GABBR2: variants seen among roughly 807,000 people sequenced by gnomAD.
The protein encoded by GABBR2 is gamma-aminobutyric acid type B receptor subunit 2.
Under a neutral mutation model 105.6 loss-of-function variants are expected in GABBR2, and 23 were observed. The ratio of observed to expected loss-of-function variants is 0.22; its 90% CI spans 0.16 to 0.31. GABBR2 has a LOEUF of 0.31. Ranked by LOEUF, GABBR2 falls within the 10% of genes least tolerant of loss-of-function variation. The pLI, the probability that GABBR2 is intolerant of heterozygous loss-of-function variation, is 1.00. For synonymous variants in GABBR2, 478 were observed against 499.7 expected (o/e 0.96, Z 0.58); for missense variants, 734 against 1,245.5 (o/e 0.59, Z 6.18).
chr9:98,440,309 A>G (rs1159836697), intron 7 of GABBR2, among the ~76,000 whole-genome samples: 1 of 152,180 alleles, frequency 6.6e-6, no homozygotes, highest in Non-Finnish European at 1.5e-5. Flanking sequence ...AAGGAGCTTG[A>G]TCTAAGGCAC....
At chr9:98,634,460 C>T (rs1310777973) in intron 1 of GABBR2, among the ~76,000 whole-genome samples, 1 of 152,118 alleles carries the variant, frequency 6.6e-6, no homozygotes, top group Non-Finnish European at 1.5e-5. Flanking sequence ...ACTGATAACC[C>T]TGTAAGAAGA....
intron 3 of GABBR2, among the ~76,000 whole-genome samples, chr9:98,526,851 C>G (rs1418819438): frequency 6.6e-6 from 1 of 152,040 alleles, no homozygotes; most frequent in African/African-American, 2.4e-5. Flanking sequence ...GACATTTTAG[C>G]ATGCATAGCT....
chr9:98,303,735 G>T (rs1179199052), intron 15 of GABBR2, among the ~76,000 whole-genome samples: 2 of 152,344 alleles, frequency 1.3e-5, no homozygotes, highest in African/African-American at 4.8e-5. Context: ...TGCCTAGCAC[G>T]CTGCCTTAGG....
intron 2 of GABBR2, among the ~76,000 whole-genome samples, chr9:98,544,285 G>A (rs1443912229): frequency 6.6e-6 from 1 of 152,138 alleles, no homozygotes; most frequent in Non-Finnish European, 1.5e-5. Flanking sequence ...ACAAAAGTTT[G>A]TGGGGGGCAG....
intron 6 of GABBR2, among the ~76,000 whole-genome samples, chr9:98,469,824 G>A (rs1826631909): frequency 6.6e-6 from 1 of 152,194 alleles, no homozygotes; most frequent in Non-Finnish European, 1.5e-5. Flanking sequence ...CCATTCACTT[G>A]CTGTGGTTTT....
chr9:98,562,516 TA>T (rs755119500), intron 2 of GABBR2, among the ~76,000 whole-genome samples: 4 of 152,274 alleles, frequency 2.6e-5, no homozygotes, highest in East Asian at 1.9e-4. Context: ...GCTAATGTAT[TA>T]GGGGTGAAGT....
rs549737037 is a variant in GABBR2, at chr9:98,677,771, G to T, written c.321+30646C>A. Among the ~76,000 whole-genome samples, 5 of 152,144 alleles carry T rather than the reference G, an allele frequency of 3.3e-5. No individual in the cohort carries two copies. The East Asian group carries it at 7.7e-4, about 24-fold the overall frequency. ...ACTCCTCAAGTACACTAGCCTCAGGGCCTGCAGTGGCTCTCCCTCCAGCCT... is the reference window on the plus strand; with the variant it reads ...ACTCCTCAAGTACACTAGCCTCAGGTCCTGCAGTGGCTCTCCCTCCAGCCT... On this transcript the variant is annotated intron_variant, in intron 1 of 18. Transcript: ENST00000259455.
Position 98,306,969 on chromosome 9 carries a change from G to A in GABBR2, c.2005-624C>T, listed in dbSNP as rs1830561726. On this transcript the variant is annotated intron_variant, in intron 14 of 18. Transcript: ENST00000259455. This position sits in a 1 kb window ranked among gnomAD's most constrained non-coding sequence, Gnocchi z 5.4. ...GGAAGTGTCTTTAAAGGGAAGAGGT[G>A]TTGCTTTTCCTCCTTCCTAACAGCT... 2.0e-5 allele frequency among the ~76,000 whole-genome samples: 3 copies of A among 152,210 alleles called. No individual in the cohort carries two copies. The highest frequency in any genetic ancestry group is 6.5e-5 in the Admixed American group (1 of 15,286).
intron 4 of GABBR2, among the ~76,000 whole-genome samples, chr9:98,483,894 G>A (rs755321874): frequency 7.2e-5 from 11 of 152,180 alleles, no homozygotes; most frequent in African/African-American, 1.4e-4. Context: ...TGAAGTAAGC[G>A]TAACTTGACT....
In GABBR2 at chr9:98,454,286, G is replaced by T. The variant is rs1588169702; in HGVS notation, c.1000-69C>A. ...AGGGACATCAGGTGCCTGATGCCGA[G>T]AAGAGCTGCTATTCTTCAATGCCCA... On this transcript the variant is annotated intron_variant, in intron 6 of 18. Transcript: ENST00000259455. This position sits in a 1 kb window ranked among gnomAD's most constrained non-coding sequence, Gnocchi z 4.6. 1.9e-6 allele frequency: 2 copies of T among 1,029,600 alleles called. No individual in the cohort carries two copies. The highest frequency in any genetic ancestry group is 1.3e-5 in the South Asian group (1 of 77,562). The allele number at this position is 1,029,600 out of a possible 1,614,324, so 63.8% of individuals were successfully genotyped here.
intron 1 of GABBR2, among the ~76,000 whole-genome samples, chr9:98,656,391 C>T (rs1370295677): frequency 6.6e-6 from 1 of 151,876 alleles, no homozygotes; most frequent in African/African-American, 2.4e-5. Context: ...GGCCTCACAT[C>T]TGACAGGCTA....
chr9:98,301,413 A>G (rs1372763010), intron 16 of GABBR2, among the ~76,000 whole-genome samples: 2 of 152,222 alleles, frequency 1.3e-5, no homozygotes, highest in Non-Finnish European at 2.9e-5. Flanking sequence ...GTGTTGGTGC[A>G]AGAGCACAGG....
Position 98,293,870 on chromosome 9 carries a change from C to A in GABBR2, c.2575G>T (p.Asp859Tyr), listed in dbSNP as rs79773606. The A allele has an allele frequency of 1.2e-6, 2 of 1,612,148 alleles. No individual in the cohort carries two copies. Among genetic ancestry groups the A allele is most frequent in the Non-Finnish European group, 1.7e-6 (2 of 1,178,326 alleles). ...TTCCACTGTAGCTGGGGATTTTGAT[C>A]GAGGTGATTTTTTAAAATGGCCTTT... The part of the protein sequence containing the change: ...GGKAILKNHL[D>Y]QNPQLQWNTT... The change falls in exon 18 of 19, where the codon GAT (aspartate) becomes TAT (tyrosine). Residue 859 changes from aspartate to tyrosine, a missense_variant. Coordinates refer to ENST00000259455, the MANE Select transcript of GABBR2 (RefSeq NM_005458.8).
rs576426168 is a variant in GABBR2, at chr9:98,643,523, C to A, written c.321+64894G>T. 2.0e-5 allele frequency among the ~76,000 whole-genome samples: 3 copies of A among 152,272 alleles called. No individual in the cohort carries two copies. In the South Asian group the frequency reaches 6.2e-4, roughly 32 times the overall value. On this transcript the variant is annotated intron_variant, in intron 1 of 18. Coordinates refer to ENST00000259455, the MANE Select transcript of GABBR2 (RefSeq NM_005458.8). ...TATTCTGCCTTTATTTTAGTTGGAG[C>A]CCGTTCTTTTCTTTCTATGTCTGTT...
At chr9:98,300,918 C>G (rs149983025) in intron 16 of GABBR2, among the ~76,000 whole-genome samples, 1 of 152,178 alleles carries the variant, frequency 6.6e-6, no homozygotes, top group African/African-American at 2.4e-5. Context: ...TCAGTCATGC[C>G]TCGTGTAATG....
At chr9:98,647,429 G>C (rs1830039666) in intron 1 of GABBR2, among the ~76,000 whole-genome samples, 1 of 152,220 alleles carries the variant, frequency 6.6e-6, no homozygotes, top group Non-Finnish European at 1.5e-5. Context: ...AGAAGATGTA[G>C]AGGGCTTTGG....
At chr9:98,496,121 T>A in intron 4 of GABBR2, 1 of 405,374 alleles carries the variant, frequency 2.5e-6, no homozygotes, top group Non-Finnish European at 4.6e-6. Flanking sequence ...AAAACAGACA[T>A]GACAATCATG....
chr9:98,399,474 T>C (rs969465836), intron 8 of GABBR2, among the ~76,000 whole-genome samples: 4 of 152,050 alleles, frequency 2.6e-5, no homozygotes, highest in African/African-American at 7.2e-5. Context: ...CCATCACTTA[T>C]CACGCATCAC....
intron 9 of GABBR2, among the ~76,000 whole-genome samples, chr9:98,390,375 C>CA (rs61216428): frequency 0.085 from 2,763 of 32,362 alleles, 495 homozygotes; most frequent in Non-Finnish European, 0.1. Context: ...CTCCATCTCA[C>CA]AAAAAAAAAA....
Sources: allele counts gnomAD v4.1 joint callset (sites outside exome capture counted in the v4.1 genomes callset), GRCh38; gene constraint gnomAD v4.1.1; non-coding constraint Gnocchi (gnomAD v3.1); transcripts MANE v1.5; gene names NCBI Gene and HGNC (gene_info 2026-07-23, HGNC 2026-07-21).